The following NBAS variants were observed in gnomAD, a reference collection of about 807,000 sequenced individuals.
The protein encoded by NBAS is NAG/BC035112 fusion.
In NBAS, 219 loss-of-function variants were observed where a neutral mutation model predicts 302.5. The observed-to-expected ratio is 0.72, with a 90% CI of 0.65 to 0.81. The LOEUF is 0.81. NBAS is among the 30% of genes least tolerant of loss of function. NBAS has a pLI of 0.00. For missense variants in NBAS, 2,932 were observed against 2,841.6 expected, an observed-to-expected ratio of 1.03 and a Z score of -0.72; for synonymous variants, 1,118 against 1,021.6, an observed-to-expected ratio of 1.09 and a Z score of -1.80.
intron 31 of NBAS, among the ~76,000 whole-genome samples, chr2:15,371,709 A>G (rs933855139): frequency 3.9e-5 from 6 of 152,108 alleles, no homozygotes; most frequent in African/African-American, 1.4e-4. Context: ...CCTTGTCCCC[A>G]TCATTATTTC....
At chr2:15,468,810 T>C (rs1472514880) in intron 16 of NBAS, among the ~76,000 whole-genome samples, 3 of 152,202 alleles carry the variant, frequency 2.0e-5, no homozygotes, top group Non-Finnish European at 4.4e-5. Context: ...AAATATAAAA[T>C]GTTTCCTCCT....
At chr2:14,932,734 G>T in the NBAS span, among the ~76,000 whole-genome samples, 2 of 152,224 alleles carry the variant, frequency 1.3e-5, no homozygotes, top group East Asian at 3.9e-4. Context: ...TGAGGCTGTG[G>T]CCAGACTGCT....
chr2:15,407,398 C>T (rs1250245877), intron 25 of NBAS, among the ~76,000 whole-genome samples: 1 of 152,122 alleles, frequency 6.6e-6, no homozygotes, highest in Non-Finnish European at 1.5e-5. Flanking sequence ...TCACCCAATA[C>T]TTCTGATACT....
chr2:14,979,739 G>GA, the NBAS span, among the ~76,000 whole-genome samples: 18 of 147,830 alleles, frequency 1.2e-4, no homozygotes, highest in South Asian at 4.3e-4. Context: ...ATTATCTTTA[G>GA]AAAAAAAAAA....
the NBAS span, among the ~76,000 whole-genome samples, chr2:14,936,548 T>C: frequency 1.3e-5 from 2 of 152,188 alleles, no homozygotes; most frequent in Non-Finnish European, 2.9e-5. Context: ...ACAGAGGGCA[T>C]GTGGAGGCAG....
chr2:15,539,449 A>T (rs1252949601), intron 6 of NBAS, 93 bp from the exon 7 acceptor site: 12 of 1,430,550 alleles, frequency 8.4e-6, no homozygotes, highest in Non-Finnish European at 1.2e-5. Context: ...GTATTCAAGT[A>T]CAATAATTAC....
chr2:15,098,326 G>GATATATAGTATACAATATATT, the NBAS span, among the ~76,000 whole-genome samples: 6 of 1,124 alleles, frequency 5.3e-3, 2 homozygotes, highest in Non-Finnish European at 0.013. Context: ...TATCATATAT[G>GATATATAGTATACAATATATT]ATATATTGTA....
chr2:14,904,359 A>G, the NBAS span, among the ~76,000 whole-genome samples: 1 of 152,174 alleles, frequency 6.6e-6, no homozygotes, highest in South Asian at 2.1e-4. Context: ...AAGGCCCGAG[A>G]GCCCCTGGCA....
the NBAS span, among the ~76,000 whole-genome samples, chr2:15,063,732 T>A: frequency 6.6e-6 from 1 of 152,124 alleles, no homozygotes; most frequent in South Asian, 2.1e-4. Flanking sequence ...ACAGGCCATG[T>A]GAGGACTTCT....
intron 12 of NBAS, chr2:15,483,266 T>A: frequency 3.0e-6 from 1 of 327,976 alleles, no homozygotes; most frequent in Non-Finnish European, 6.4e-6. Context: ...ACTCACAGTC[T>A]GGTGAAATTG....
chr2:15,541,802 G>T (rs1419011718), intron 6 of NBAS, among the ~76,000 whole-genome samples: 1 of 81,848 alleles, frequency 1.2e-5, no homozygotes, highest in African/African-American at 4.5e-5. Context: ...CGGGAGGGAG[G>T]TGGGGGGGTT....
intron 5 of NBAS, 120 bp from the exon 6 acceptor site, chr2:15,551,656 G>A (rs1274181507): frequency 2.9e-6 from 2 of 680,440 alleles, no homozygotes; most frequent in East Asian, 5.6e-5. Context: ...TCTCCTCTCA[G>A]ACATGGTTTT....
chr2:15,387,763 C>G (rs1457606559), intron 28 of NBAS, among the ~76,000 whole-genome samples: 1 of 152,042 alleles, frequency 6.6e-6, no homozygotes, highest in African/African-American at 2.4e-5. Context: ...TCCCTAGTAG[C>G]TGGGACTACA....
At chr2:15,359,392 A>C (rs1018423988) in intron 32 of NBAS, among the ~76,000 whole-genome samples, 6 of 152,204 alleles carry the variant, frequency 3.9e-5, no homozygotes, top group Admixed American at 3.3e-4. Context: ...GAGTGTTCTT[A>C]AATGACAAAT....
intron 10 of NBAS, among the ~76,000 whole-genome samples, chr2:15,509,845 A>C (rs1662055035): frequency 8.3e-6 from 1 of 121,010 alleles, no homozygotes; most frequent in African/African-American, 3.2e-5. Flanking sequence ...AATTTTGGCC[A>C]AGTGCTCACT....
intron 51 of NBAS, among the ~76,000 whole-genome samples, chr2:15,172,667 G>A (rs537603542): frequency 6.6e-6 from 1 of 152,302 alleles, no homozygotes; most frequent in East Asian, 1.9e-4. Flanking sequence ...CCCTGCCAGT[G>A]GGTTGACTGG....
the NBAS span, among the ~76,000 whole-genome samples, chr2:15,103,930 A>T: frequency 9.9e-4 from 150 of 152,222 alleles, 4 homozygotes; most frequent in East Asian, 0.018. Context: ...TTCATGCTAA[A>T]TTGTGTCTTT....
chr2:15,417,613 A>T lies in NBAS; in HGVS notation c.2677T>A (p.Tyr893Asn). The change falls in exon 24 of 52, where the codon TAT becomes AAT. Residue 893 changes from tyrosine to asparagine, a missense_variant. By Grantham distance (143) the Tyr-to-Asn change is moderately radical (BLOSUM62 -2). Coordinates refer to ENST00000281513, the MANE Select transcript of NBAS (RefSeq NM_015909.4). ...AGAGTTACATCACACCTGGCTTCAT[A>T]AACCAATGTTTCCAGAGTAACCAAA... ...DNLVTLETLVYEARCDVTLTL... is the reference protein window; with the variant it reads ...DNLVTLETLVNEARCDVTLTL... The T allele has an allele frequency of 6.2e-7, 1 of 1,614,034 alleles. No homozygotes were observed. The highest frequency in any genetic ancestry group is 1.3e-5 in the African/African-American group (1 of 75,050).
At chr2:14,866,706 C>T in the NBAS span, among the ~76,000 whole-genome samples, 3,088 of 152,240 alleles carry the variant, frequency 0.02, 113 homozygotes, top group African/African-American at 0.07. Flanking sequence ...GTGGCTAAAA[C>T]TGACCACTGA....
Sources: gnomAD v4.1 joint callset for allele counts (sites outside exome capture counted in the v4.1 genomes callset) on GRCh38, gnomAD v4.1.1 for gene constraint, MANE v1.5 for transcripts, NCBI Gene and HGNC (gene_info 2026-07-23, HGNC 2026-07-21) for gene names.